PLXDC2: variants seen among roughly 807,000 people sequenced by gnomAD.
The protein encoded by PLXDC2 is plexin domain containing 2, also known as plexin domain-containing protein 2.
In PLXDC2, 40 loss-of-function variants were observed where a neutral mutation model predicts 68.9. The ratio of observed to expected loss-of-function variants is 0.58; its 90% CI spans 0.45 to 0.76. The LOEUF (loss-of-function observed/expected upper bound fraction) is 0.76, where lower values mean the gene tolerates loss of function less well. Ranked by LOEUF, PLXDC2 falls within the 30% of genes least tolerant of loss-of-function variation. The pLI is 0.00. For synonymous variants in PLXDC2, 243 were observed against 234.2 expected (o/e 1.04, Z -0.34); for missense variants, 644 against 661.9 (o/e 0.97, Z 0.30).
chr10:20,046,448 C>A (rs1445068865), intron 2 of PLXDC2, among the ~76,000 whole-genome samples: 2 of 152,018 alleles, frequency 1.3e-5, no homozygotes, highest in African/African-American at 4.8e-5. Context: ...CTTTTAGTCA[C>A]AAGGCAAAAT....
At chr10:20,140,542 T>C (rs1023552333) in intron 4 of PLXDC2, among the ~76,000 whole-genome samples, 5 of 151,988 alleles carry the variant, frequency 3.3e-5, no homozygotes, top group Non-Finnish European at 7.4e-5. Context: ...CTTTGGAGTT[T>C]TGTTGCATTA....
chr10:20,137,403 T>C (rs1008024401), intron 4 of PLXDC2, among the ~76,000 whole-genome samples: 2 of 152,238 alleles, frequency 1.3e-5, no homozygotes, highest in African/African-American at 2.4e-5. Context: ...CATTTTATTC[T>C]ACTAGGAAAT....
chr10:20,185,508 G>A (rs16920020), intron 9 of PLXDC2, among the ~76,000 whole-genome samples: 9,389 of 151,780 alleles, frequency 0.062, 982 homozygotes, highest in African/African-American at 0.22. Flanking sequence ...GAGAGAATTA[G>A]GACACCACAA....
intron 1 of PLXDC2, among the ~76,000 whole-genome samples, chr10:19,935,146 G>C (rs939698153): frequency 2.0e-5 from 3 of 152,166 alleles, no homozygotes; most frequent in Non-Finnish European, 4.4e-5. Flanking sequence ...CACACAACCT[G>C]GTCTGGCCCT....
chr10:19,817,788 G>C (rs1398809124), intron 1 of PLXDC2, among the ~76,000 whole-genome samples: 4 of 152,212 alleles, frequency 2.6e-5, no homozygotes, highest in Non-Finnish European at 4.4e-5. Context: ...GTGGAGGCGG[G>C]CTCGCCTCTG....
At chr10:20,207,425 A>G (rs1024226906) in intron 9 of PLXDC2, among the ~76,000 whole-genome samples, 7 of 152,186 alleles carry the variant, frequency 4.6e-5, no homozygotes, top group Non-Finnish European at 7.4e-5. Context: ...TTGTTAAAAT[A>G]TAAGGTAAAA....
rs1364423035 is a variant in PLXDC2 at position 20,033,274 on chromosome 10, G to A, written c.325-13595G>A. On this transcript the variant is annotated intron_variant, in intron 2 of 13. Transcript: ENST00000377252. Reference sequence around the variant, plus strand: ...AAAATCCCAGTATGGTAGATGGCAGGGATTGAGGCAGTGGATTAAAGATGG... The same window carrying A: ...AAAATCCCAGTATGGTAGATGGCAGAGATTGAGGCAGTGGATTAAAGATGG... 2.6e-5 allele frequency among the ~76,000 whole-genome samples: 4 copies of A among 151,928 alleles called. No individual in the cohort carries two copies. In the South Asian group the frequency reaches 8.3e-4, roughly 32 times the overall value.
At position 20,045,190 on chromosome 10, in the gene PLXDC2, G is replaced by GTTTT. The variant is rs1230083862; in HGVS notation, c.325-1678_325-1675dup. ...CAGATATACCTAGGGTTTTTTGTTTGTTTTGTTTTGTTTTTCTGTCTCCCA... is the reference window on the plus strand; with the variant it reads ...CAGATATACCTAGGGTTTTTTGTTTGTTTTTTTTGTTTTGTTTTTCTGTCTCCCA... On this transcript the variant is annotated intron_variant, in intron 2 of 13. Transcript: ENST00000377252. Among the ~76,000 whole-genome samples the GTTTT allele has an allele frequency of 6.6e-5, 10 of 152,004 alleles. No homozygotes were observed. The East Asian group carries it at 1.9e-3, about 29-fold the overall frequency.
At chr10:19,863,362 G>A (rs954975301) in intron 1 of PLXDC2, among the ~76,000 whole-genome samples, 1 of 152,224 alleles carries the variant, frequency 6.6e-6, no homozygotes, top group African/African-American at 2.4e-5. Flanking sequence ...TGTTCTAGAA[G>A]TGCTTGCAGG....
chr10:20,083,476 C>A (rs200745869), intron 4 of PLXDC2, among the ~76,000 whole-genome samples: 710 of 120,814 alleles, frequency 5.9e-3, no homozygotes, highest in Non-Finnish European at 7.0e-3. Context: ...GACTCCGTCT[C>A]AAAAAAAAAA....
At chr10:20,245,632 C>T (rs1340913610) in intron 13 of PLXDC2, 127 bp downstream of exon 13, 3 of 1,084,772 alleles carry the variant, frequency 2.8e-6, no homozygotes, top group African/African-American at 1.6e-5. Flanking sequence ...TCTGATTTCA[C>T]ACACATGGAT....
At chr10:20,108,342 A>AT (rs1273016065) in intron 4 of PLXDC2, among the ~76,000 whole-genome samples, 1 of 152,210 alleles carries the variant, frequency 6.6e-6, no homozygotes, top group African/African-American at 2.4e-5. Flanking sequence ...AATTTACATT[A>AT]TATTAAAAAC....
intron 1 of PLXDC2, among the ~76,000 whole-genome samples, chr10:19,977,369 T>A (rs556570355): frequency 6.6e-6 from 1 of 152,322 alleles, no homozygotes; most frequent in East Asian, 1.9e-4. Context: ...ATCCCCAGGA[T>A]AGGAACATTG....
chr10:19,950,980 A>G (rs1376472577), intron 1 of PLXDC2, among the ~76,000 whole-genome samples: 2 of 152,170 alleles, frequency 1.3e-5, no homozygotes, highest in East Asian at 1.9e-4. Flanking sequence ...ACTTTTTGCC[A>G]TATATAAAAA....
chr10:20,029,381 A>G (rs1307560056), intron 2 of PLXDC2, among the ~76,000 whole-genome samples: 2 of 152,098 alleles, frequency 1.3e-5, no homozygotes, highest in African/African-American at 2.4e-5. Context: ...TGTTAACTTA[A>G]ATGCATGACA....
Position 19,949,123 on chromosome 10 carries a change from CAAAAAAAA to C in PLXDC2, c.113-52635_113-52628del, listed in dbSNP as rs60138814. Among the ~76,000 whole-genome samples, 180 of 82,924 alleles carry C rather than the reference CAAAAAAAA, an allele frequency of 2.2e-3. 1 individual carries two copies. Among genetic ancestry groups the C allele is most frequent in the African/African-American group, 9.8e-3 (174 of 17,770 alleles). 54.4% of individuals were successfully genotyped at this position (82,924 alleles called of 152,430 possible). ...GTCTGGCAACAGAGCGAGACTTTGT[CAAAAAAAA>C]AAAAAAAAAAAAAAAAGAATAGACA... On this transcript the variant is annotated intron_variant, in intron 1 of 13. Transcript: ENST00000377252.
rs1835175570 is a variant in PLXDC2, at chr10:20,218,973, A to AG, written c.1274-89dup. The AG allele has an allele frequency of 1.3e-5, 18 of 1,389,928 alleles. No homozygotes were observed. In the South Asian group the frequency reaches 2.3e-4, roughly 18 times the overall value. The allele number at this position is 1,389,928 out of a possible 1,614,324, so 86.1% of individuals were successfully genotyped here. On this transcript the variant is annotated intron_variant, in intron 11 of 13. Transcript: ENST00000377252. ...TCAAAATCTAGTCATGTTCCGACCA[A>AG]GGCAGTTAGTAGACAATTACTAGTC...
At chr10:19,964,636 A>G (rs1320862929) in intron 1 of PLXDC2, among the ~76,000 whole-genome samples, 2 of 151,928 alleles carry the variant, frequency 1.3e-5, no homozygotes, top group Admixed American at 6.6e-5. Context: ...ATCACACACT[A>G]TTGTCACAGC....
chr10:20,220,902 G>T (rs981759255), intron 12 of PLXDC2, among the ~76,000 whole-genome samples: 3 of 144,668 alleles, frequency 2.1e-5, no homozygotes, highest in Admixed American at 7.2e-5. Context: ...GAGTGTAGTG[G>T]CACAATCTCA....
Sources: allele counts gnomAD v4.1 joint callset (sites outside exome capture counted in the v4.1 genomes callset), GRCh38; gene constraint gnomAD v4.1.1; transcripts MANE v1.5; gene names NCBI Gene and HGNC (gene_info 2026-07-23, HGNC 2026-07-21).